CDH12: variants seen among roughly 807,000 people sequenced by gnomAD.
CDH12 encodes cadherin-12.
In CDH12, 41 loss-of-function variants were observed where a neutral mutation model predicts 74.1. The ratio of observed to expected loss-of-function variants is 0.55; its 90% CI spans 0.43 to 0.72. The LOEUF is 0.72. CDH12 is among the 30% of genes least tolerant of loss of function. The probability of loss-of-function intolerance (pLI) is 0.00; values close to 1 mark genes in which losing one functional copy is unlikely to be tolerated. For missense variants in CDH12, 945 were observed against 977.2 expected (o/e 0.97, Z 0.44); for synonymous variants, 399 against 355.0 (o/e 1.12, Z -1.39).
chr5:22,112,257 T>A (rs1744859630), intron 4 of CDH12, among the ~76,000 whole-genome samples: 2 of 152,148 alleles, frequency 1.3e-5, no homozygotes, highest in Admixed American at 1.3e-4. Context: ...GCTTTTTCCC[T>A]AGGACAAGGG....
chr5:21,861,992 G>T (rs931132121), intron 6 of CDH12, among the ~76,000 whole-genome samples: 2 of 151,306 alleles, frequency 1.3e-5, no homozygotes, highest in African/African-American at 2.4e-5. Flanking sequence ...CTGTTGAAAG[G>T]TTAATTTACT....
chr5:22,250,780 G>A (rs1225409656), intron 3 of CDH12, among the ~76,000 whole-genome samples: 1 of 152,114 alleles, frequency 6.6e-6, no homozygotes, highest in African/African-American at 2.4e-5. Context: ...GGCAGCTTGG[G>A]GAGAACTAAT....
intron 2 of CDH12, among the ~76,000 whole-genome samples, chr5:22,451,629 A>G (rs1211811359): frequency 6.6e-6 from 1 of 152,010 alleles, no homozygotes; most frequent in Non-Finnish European, 1.5e-5. Flanking sequence ...GGAAAAGTTG[A>G]ACGTTTTTCT....
At chr5:22,384,529 AAAAAAAAAAAAG>A (rs1306295672) in intron 3 of CDH12, among the ~76,000 whole-genome samples, 15 of 148,580 alleles carry the variant, frequency 1.0e-4, no homozygotes, top group African/African-American at 3.4e-4. Context: ...CCGTCTCAAA[AAAAAAAAAAAAG>A]AAAAAGAAAA....
At chr5:22,315,096 C>CGCCT (rs1459271524) in intron 3 of CDH12, among the ~76,000 whole-genome samples, 1 of 118,014 alleles carries the variant, frequency 8.5e-6, no homozygotes, top group Non-Finnish European at 1.7e-5. Flanking sequence ...GGACTACAGG[C>CGCCT]GCCTGCCACC....
chr5:22,515,661 T>G (rs1222156718), intron 1 of CDH12, among the ~76,000 whole-genome samples: 1 of 152,046 alleles, frequency 6.6e-6, no homozygotes, highest in Non-Finnish European at 1.5e-5. Flanking sequence ...TAACAGGGAA[T>G]CATAGACTAT....
At chr5:22,126,254 T>C (rs1371005173) in intron 4 of CDH12, among the ~76,000 whole-genome samples, 1 of 152,148 alleles carries the variant, frequency 6.6e-6, no homozygotes, top group Non-Finnish European at 1.5e-5. Flanking sequence ...TTTGAGGTCA[T>C]AGGAACATTA....
intron 1 of CDH12, among the ~76,000 whole-genome samples, chr5:22,535,435 C>T (rs978753910): frequency 1.2e-4 from 18 of 152,070 alleles, no homozygotes; most frequent in Non-Finnish European, 2.6e-4. Context: ...GGATTACAGG[C>T]GTGAGCCAAC....
chr5:21,961,595 T>C (rs576649574), intron 6 of CDH12, among the ~76,000 whole-genome samples: 217 of 152,248 alleles, frequency 1.4e-3, no homozygotes, highest in African/African-American at 5.1e-3. Context: ...AATGGGATCA[T>C]TAGAGTGGCC....
intron 1 of CDH12, among the ~76,000 whole-genome samples, chr5:22,631,609 T>C (rs1738588944): frequency 6.6e-6 from 1 of 152,046 alleles, no homozygotes; most frequent in Non-Finnish European, 1.5e-5. Context: ...ACAAATGTAT[T>C]AGCGCATTCT....
chr5:21,963,145 G>T (rs1756438637), intron 6 of CDH12, among the ~76,000 whole-genome samples: 1 of 152,010 alleles, frequency 6.6e-6, no homozygotes, highest in Non-Finnish European at 1.5e-5. Context: ...TATAGATAGA[G>T]ATTTAATTCT....
intron 2 of CDH12, among the ~76,000 whole-genome samples, chr5:22,417,097 T>C (rs1423810761): frequency 6.6e-6 from 1 of 152,218 alleles, no homozygotes; most frequent in East Asian, 1.9e-4. Flanking sequence ...CAATTAGATA[T>C]TAAAACTGTG....
At chr5:22,355,892 A>T (rs2150468598) in intron 3 of CDH12, among the ~76,000 whole-genome samples, 1 of 152,352 alleles carries the variant, frequency 6.6e-6, no homozygotes, top group East Asian at 1.9e-4. Context: ...GTTGGGAAAC[A>T]TATAAAGGCA....
chr5:22,287,745 A>G (rs1033214932), intron 3 of CDH12, among the ~76,000 whole-genome samples: 4 of 150,872 alleles, frequency 2.7e-5, no homozygotes, highest in East Asian at 1.9e-4. Context: ...AAAAAAATGT[A>G]TAACAATATT....
At chr5:22,396,476 C>A (rs1742466856) in intron 3 of CDH12, among the ~76,000 whole-genome samples, 1 of 152,010 alleles carries the variant, frequency 6.6e-6, no homozygotes, top group African/African-American at 2.4e-5. Context: ...GACTTTAAGG[C>A]AATAATTTTA....
chr5:21,885,683 T>A (rs1752592885), intron 6 of CDH12, among the ~76,000 whole-genome samples: 1 of 152,238 alleles, frequency 6.6e-6, no homozygotes, highest in African/African-American at 2.4e-5. Flanking sequence ...CAGTTTAGGA[T>A]ATTCACTTTT....
In CDH12 at chr5:22,309,453, C is replaced by G. The variant is rs1738283405; in HGVS notation, c.-333+95804G>C. On this transcript the variant is annotated intron_variant, in intron 3 of 14. Coordinates refer to ENST00000382254, the MANE Select transcript of CDH12 (RefSeq NM_004061.5). ...TAAGCTACCAGAGGTTAATCATGAG[C>G]CTCAAACTATTTTTATTGTATAAAT... Among the ~76,000 whole-genome samples the G allele has an allele frequency of 2.0e-5, 3 of 152,052 alleles. No homozygotes were observed. The South Asian group carries it at 6.2e-4, about 32-fold the overall frequency.
Position 22,093,431 on chromosome 5 carries a change from A to G in CDH12, c.-186-14569T>C, listed in dbSNP as rs186850839. Among the ~76,000 whole-genome samples, 235 of 152,326 alleles carry G rather than the reference A, an allele frequency of 1.5e-3. 1 individual carries two copies. Among genetic ancestry groups the G allele is most frequent in the Admixed American group, 4.5e-3 (69 of 15,294 alleles). On this transcript the variant is annotated intron_variant, in intron 4 of 14. Coordinates refer to ENST00000382254, the MANE Select transcript of CDH12 (RefSeq NM_004061.5). Reference sequence around the variant, plus strand: ...ATAACACCATGCAATTGATTATTACATGGCAATGAAAAGGGATAAAGTCCT... The same window carrying G: ...ATAACACCATGCAATTGATTATTACGTGGCAATGAAAAGGGATAAAGTCCT...
At chr5:22,675,983 A>G (rs1045111879) in intron 1 of CDH12, among the ~76,000 whole-genome samples, 1 of 150,046 alleles carries the variant, frequency 6.7e-6, no homozygotes, top group Non-Finnish European at 1.5e-5. Flanking sequence ...CAGATCCATT[A>G]AGGAACACAG....
Sources: allele counts gnomAD v4.1 joint callset (sites outside exome capture counted in the v4.1 genomes callset), GRCh38; gene constraint gnomAD v4.1.1; transcripts MANE v1.5; gene names NCBI Gene and HGNC (gene_info 2026-07-23, HGNC 2026-07-21).